Variants in TMEM267 observed in about 807,000 individuals in gnomAD.
The protein encoded by TMEM267 is transmembrane protein 267.
A neutral mutation model predicts 19.3 loss-of-function variants in TMEM267; 20 were observed. The ratio of observed to expected loss-of-function variants is 1.04; its 90% CI spans 0.73 to 1.51. The LOEUF is 1.51. Among genes scored for constraint, TMEM267 ranks in the 40% most tolerant of loss-of-function variants. The pLI, the probability that TMEM267 is intolerant of heterozygous loss-of-function variation, is 0.00. For synonymous variants in TMEM267, 88 were observed against 90.3 expected (o/e 0.97, Z 0.15); for missense variants, 242 against 261.9 (o/e 0.92, Z 0.52).
intron 2 of TMEM267, among the ~76,000 whole-genome samples, chr5:43,449,832 A>G (rs1240085465): frequency 6.6e-6 from 1 of 152,244 alleles, no homozygotes; most frequent in Non-Finnish European, 1.5e-5. Flanking sequence ...GCAAGAAAGC[A>G]ATAACCTGAT....
At chr5:43,480,774 A>G (rs954372297) in intron 1 of TMEM267, among the ~76,000 whole-genome samples, 3 of 141,918 alleles carry the variant, frequency 2.1e-5, no homozygotes, top group Non-Finnish European at 4.6e-5. Context: ...ATCACAATAT[A>G]TATTTAAATG....
chr5:43,449,585 T>C (rs1194867151), intron 2 of TMEM267, among the ~76,000 whole-genome samples: 1 of 152,374 alleles, frequency 6.6e-6, no homozygotes, highest in East Asian at 1.9e-4. Flanking sequence ...AGAACAGTTT[T>C]TAAGCCCTCC....
chr5:43,479,692 T>G (rs972851390), intron 1 of TMEM267, among the ~76,000 whole-genome samples: 3 of 152,034 alleles, frequency 2.0e-5, no homozygotes, highest in Admixed American at 6.6e-5. Context: ...GTACTTACTT[T>G]GCAGATAACA....
At chr5:43,469,480 C>T (rs1433019113) in intron 1 of TMEM267, among the ~76,000 whole-genome samples, 1 of 152,140 alleles carries the variant, frequency 6.6e-6, no homozygotes, top group Non-Finnish European at 1.5e-5. Context: ...CAGTGTGATA[C>T]ATCATATCAA....
rs1742220473 is a variant in TMEM267, at chr5:43,446,145, T to A, written c.*77A>T. 1.1e-6 allele frequency: 1 copy of A among 886,656 alleles called. No individual in the cohort carries two copies. Among genetic ancestry groups the A allele is most frequent in the Non-Finnish European group, 1.7e-6 (1 of 577,984 alleles). 54.9% of individuals were successfully genotyped at this position (886,656 alleles called of 1,614,324 possible). On this transcript the variant is annotated 3_prime_UTR_variant, in exon 3 of 3. Transcript: ENST00000397080. ...TAATATAAACACCTAACTGTATTTT[T>A]AAAAATTAACTTTAATGTTGGCTAC...
intron 1 of TMEM267, chr5:43,476,048 T>C (rs1744403442): frequency 6.6e-6 from 1 of 152,194 alleles, no homozygotes; most frequent in Admixed American, 6.5e-5. Context: ...TCATATTTTT[T>C]ACACCGTGAA....
At chr5:43,448,754 C>T (rs1742401430) in intron 2 of TMEM267, among the ~76,000 whole-genome samples, 1 of 150,732 alleles carries the variant, frequency 6.6e-6, no homozygotes, top group South Asian at 2.1e-4. Context: ...CCAGCCTGGG[C>T]AATAAGAGTG....
In TMEM267 at chr5:43,445,700, CAGG is replaced by C. The variant is rs1271297968; in HGVS notation, c.*519_*521del. On this transcript the variant is annotated 3_prime_UTR_variant, in exon 3 of 3. Coordinates refer to ENST00000397080, the MANE Select transcript of TMEM267 (RefSeq NM_022483.5). ...AGCATTCTGCAAATTAAATTTCACT[CAGG>C]ATCAACATATATGAAAATAAATACA... 6.6e-6 allele frequency: 1 copy of C among 152,162 alleles called. No homozygotes were observed. The highest frequency in any genetic ancestry group is 2.4e-5 in the African/African-American group (1 of 41,432). The allele number at this position is 152,162 out of a possible 1,614,324, so 9.4% of individuals were successfully genotyped here. A position where few individuals can be genotyped will look rare whatever the true frequency, so the allele number is the denominator to read the frequency against.
rs537091081 is a variant in TMEM267, at chr5:43,453,709, G to A, written c.261C>T (p.Ala87=). ...FGEIILAGFL[A]SVIDVDHFFL... is the part of the protein sequence containing the mutation. Reference sequence around the variant, plus strand: ...AAAAGTGGTCTACATCAATAACAGAGGCTAAAAATCCAGCTAAAATGATTT... The same window carrying A: ...AAAAGTGGTCTACATCAATAACAGAAGCTAAAAATCCAGCTAAAATGATTT... The change falls in exon 2 of 3, where the codon GCC becomes GCT. Residue 87 remains alanine (A), a synonymous_variant. Coordinates refer to ENST00000397080, the MANE Select transcript of TMEM267 (RefSeq NM_022483.5). The A allele has an allele frequency of 9.3e-6, 15 of 1,613,990 alleles. No homozygotes were observed. Among genetic ancestry groups the A allele is most frequent in the Non-Finnish European group, 1.2e-5 (14 of 1,179,892 alleles).
At chr5:43,457,254 G>A (rs547079941) in intron 1 of TMEM267, among the ~76,000 whole-genome samples, 2 of 152,120 alleles carry the variant, frequency 1.3e-5, no homozygotes, top group East Asian at 3.9e-4. Context: ...TTAATAATGG[G>A]GAAAATGTAT....
At chr5:43,451,227 G>C (rs973574533) in intron 2 of TMEM267, among the ~76,000 whole-genome samples, 8 of 152,092 alleles carry the variant, frequency 5.3e-5, no homozygotes, top group African/African-American at 1.9e-4. Context: ...ACATATTACA[G>C]ATGAAGAAAT....
At position 43,481,106 on chromosome 5, in the gene TMEM267, CTTT is replaced by C. The variant is rs70994700; in HGVS notation, c.-75+2713_-75+2715del. On this transcript the variant is annotated intron_variant, in intron 1 of 2. Coordinates refer to ENST00000397080, the MANE Select transcript of TMEM267 (RefSeq NM_022483.5). ...GGCGTGAGCCACTGCGCCCGGCTTA[CTTT>C]TTTTTTTTTTTTTTTTTGACAAGGT... Among the ~76,000 whole-genome samples, 17 of 124,434 alleles carry C rather than the reference CTTT, an allele frequency of 1.4e-4. 1 individual carries two copies. The highest frequency in any genetic ancestry group is 4.1e-4 in the African/African-American group (13 of 31,714). 81.6% of individuals were successfully genotyped at this position (124,434 alleles called of 152,430 possible). A position where few individuals can be genotyped will look rare whatever the true frequency, so the allele number is the denominator to read the frequency against.
chr5:43,479,435 GTAAT>G (rs1400264699), intron 1 of TMEM267, among the ~76,000 whole-genome samples: 18 of 151,726 alleles, frequency 1.2e-4, no homozygotes, highest in East Asian at 5.8e-4. Context: ...AAAGCCAGGA[GTAAT>G]TAAACAACTC....
intron 1 of TMEM267, among the ~76,000 whole-genome samples, chr5:43,469,677 T>C (rs1579819025): frequency 6.6e-6 from 1 of 152,194 alleles, no homozygotes; most frequent in East Asian, 1.9e-4. Context: ...AAAATAAATC[T>C]CGGGACCCTG....
intron 1 of TMEM267, among the ~76,000 whole-genome samples, chr5:43,454,890 T>A (rs887918718): frequency 1.3e-5 from 2 of 152,234 alleles, no homozygotes; most frequent in South Asian, 4.1e-4. Flanking sequence ...CTAGAAAATA[T>A]TTGTCTACCT....
chr5:43,469,934 C>T (rs778594842), intron 1 of TMEM267, among the ~76,000 whole-genome samples: 2 of 152,172 alleles, frequency 1.3e-5, no homozygotes, highest in African/African-American at 4.8e-5. Context: ...TCCCCCTGCT[C>T]ACCTGAGACA....
At chr5:43,459,936 ATAAT>A (rs1743160386) in intron 1 of TMEM267, among the ~76,000 whole-genome samples, 1 of 152,190 alleles carries the variant, frequency 6.6e-6, no homozygotes, top group Non-Finnish European at 1.5e-5. Flanking sequence ...ATTGTAATAT[ATAAT>A]TAAATAATTA....
intron 1 of TMEM267, among the ~76,000 whole-genome samples, chr5:43,475,146 G>T (rs952763159): frequency 1.3e-5 from 2 of 152,192 alleles, no homozygotes; most frequent in African/African-American, 4.8e-5. Context: ...TGATAGACTG[G>T]ATAAAGAAAA....
intron 1 of TMEM267, chr5:43,454,745 C>T (rs926056742): frequency 2.6e-5 from 4 of 152,334 alleles, no homozygotes; most frequent in Non-Finnish European, 5.9e-5. Flanking sequence ...CAATGAGCTA[C>T]CCCAACATTT....
Sources: gnomAD v4.1 joint callset for allele counts (sites outside exome capture counted in the v4.1 genomes callset) on GRCh38, gnomAD v4.1.1 for gene constraint, MANE v1.5 for transcripts, NCBI Gene and HGNC (gene_info 2026-07-23, HGNC 2026-07-21) for gene names.